Variants in NRCAM observed in about 807,000 individuals in gnomAD.
The protein encoded by NRCAM is NgCAM-related cell adhesion molecule.
NRCAM carries 83 observed loss-of-function variants against 156.5 expected under a neutral mutation model. The ratio of observed to expected loss-of-function variants is 0.53; its 90% CI spans 0.44 to 0.64. The LOEUF (loss-of-function observed/expected upper bound fraction) is 0.64. Among genes scored for constraint, NRCAM ranks in the 30% least tolerant of loss-of-function variants. NRCAM has a pLI of 0.00. For missense variants in NRCAM, 1,417 were observed against 1,597.3 expected (o/e 0.89, Z 1.92); for synonymous variants, 538 against 563.9 (o/e 0.95, Z 0.65).
intron 1 of NRCAM, among the ~76,000 whole-genome samples, chr7:108,448,870 G>A (rs1847341695): frequency 6.6e-6 from 1 of 152,156 alleles, no homozygotes; most frequent in Non-Finnish European, 1.5e-5. Context: ...GATGTATCTT[G>A]TTGCACATCA....
intron 4 of NRCAM, 108 bp from the exon 5 acceptor site, chr7:108,237,877 TATTTG>T: frequency 2.6e-6 from 2 of 769,698 alleles, no homozygotes; most frequent in Non-Finnish European, 3.9e-6. Context: ...GCATCTTGTC[TATTTG>T]ATTTGATCTA....
chr7:108,431,979 C>T (rs553514196), intron 1 of NRCAM, among the ~76,000 whole-genome samples: 1 of 152,280 alleles, frequency 6.6e-6, no homozygotes, highest in East Asian at 1.9e-4. Context: ...CCCAACCTGT[C>T]AAAGTTTTAA....
At chr7:108,336,247 C>A (rs537027298) in intron 2 of NRCAM, among the ~76,000 whole-genome samples, 2 of 152,150 alleles carry the variant, frequency 1.3e-5, no homozygotes. Flanking sequence ...TGCCCCTTCC[C>A]GGCTGTCTAA....
intron 6 of NRCAM, among the ~76,000 whole-genome samples, chr7:108,233,592 T>C (rs1374548123): frequency 6.6e-6 from 1 of 152,198 alleles, no homozygotes. Flanking sequence ...CATCAGGCCT[T>C]CTGCGAGAGA....
intron 3 of NRCAM, among the ~76,000 whole-genome samples, chr7:108,280,982 A>C (rs919521379): frequency 1.3e-5 from 2 of 152,222 alleles, no homozygotes; most frequent in African/African-American, 4.8e-5. Context: ...AAGTCCCAAC[A>C]GTTTTTAGAT....
chr7:108,331,848 C>T (rs774945003), intron 2 of NRCAM, among the ~76,000 whole-genome samples: 1 of 152,110 alleles, frequency 6.6e-6, no homozygotes, highest in African/African-American at 2.4e-5. Flanking sequence ...TTTTTTTCTG[C>T]AATGTCTTTA....
At chr7:108,453,188 G>A (rs1445941500) in intron 1 of NRCAM, among the ~76,000 whole-genome samples, 2 of 152,136 alleles carry the variant, frequency 1.3e-5, no homozygotes, top group Non-Finnish European at 2.9e-5. Context: ...TCTTTTTAAC[G>A]GAAAAGCTTC....
intron 32 of NRCAM, chr7:108,150,659 T>C: frequency 3.9e-6 from 2 of 509,844 alleles, no homozygotes; most frequent in Middle Eastern, 3.2e-4. Flanking sequence ...ATAATTTTGT[T>C]ATCAATGCAG....
At chr7:108,215,621 G>T (rs2087887352) in intron 11 of NRCAM, among the ~76,000 whole-genome samples, 1 of 151,886 alleles carries the variant, frequency 6.6e-6, no homozygotes, top group Admixed American at 6.6e-5. Context: ...TTTTGGGATA[G>T]TTAGCTCTTC....
At chr7:108,292,664 AT>A (rs1353783335) in intron 3 of NRCAM, among the ~76,000 whole-genome samples, 1 of 152,194 alleles carries the variant, frequency 6.6e-6, no homozygotes, top group Non-Finnish European at 1.5e-5. Flanking sequence ...AACTGACCTT[AT>A]GCAAGTTACT....
chr7:108,362,887 G>A (rs1294056657), intron 2 of NRCAM, among the ~76,000 whole-genome samples: 3 of 152,036 alleles, frequency 2.0e-5, no homozygotes, highest in African/African-American at 4.8e-5. Flanking sequence ...CCAAATCTTG[G>A]TTTCTAACAC....
chr7:108,234,682 T>C lies in NRCAM; in HGVS notation c.131A>G (p.Gln44Arg), dbSNP rs377423914. The C allele has an allele frequency of 3.8e-6, 6 of 1,597,368 alleles. No individual in the cohort carries two copies. Among genetic ancestry groups the C allele is most frequent in the Non-Finnish European group, 4.3e-6 (5 of 1,166,226 alleles). Residue 44 changes from glutamine (Q) to arginine (R), a missense_variant, in exon 6 of 33, where the codon CAG becomes CGG. Around this residue, in one of 2 missense-constraint regions of NRCAM, gnomAD observed 1,238 missense variants for 1,336.4 expected, o/e 0.93. Coordinates refer to ENST00000379028, the MANE Select transcript of NRCAM (RefSeq NM_001037132.4). ...LDPKLLEDLV[Q>R]PPTITQQSPK... is the part of the protein sequence containing the mutation. Reference sequence around the variant, plus strand: ...AGACTGTTGGGTGATGGTTGGAGGCTGTACCACTTAATTGTAGAAAAAAAA... The same window carrying C: ...AGACTGTTGGGTGATGGTTGGAGGCCGTACCACTTAATTGTAGAAAAAAAA...
At chr7:108,171,469 A>G (rs2058396433) in intron 28 of NRCAM, among the ~76,000 whole-genome samples, 1 of 152,142 alleles carries the variant, frequency 6.6e-6, no homozygotes, top group Non-Finnish European at 1.5e-5. Context: ...TATAACCCAG[A>G]CATCCGGTAT....
chr7:108,360,813 C>T (rs1003625102), intron 2 of NRCAM, among the ~76,000 whole-genome samples: 7 of 152,106 alleles, frequency 4.6e-5, no homozygotes, highest in African/African-American at 1.7e-4. Flanking sequence ...GAAGTTAGAA[C>T]CCTACCTCAA....
At chr7:108,308,617 A>G (rs1043514675) in intron 3 of NRCAM, among the ~76,000 whole-genome samples, 1 of 152,230 alleles carries the variant, frequency 6.6e-6, no homozygotes, top group Non-Finnish European at 1.5e-5. Flanking sequence ...CCACAAAAAC[A>G]TAATGCCACT....
intron 3 of NRCAM, among the ~76,000 whole-genome samples, chr7:108,309,089 T>C (rs1275867512): frequency 6.6e-6 from 1 of 152,190 alleles, no homozygotes; most frequent in Non-Finnish European, 1.5e-5. Context: ...TGCATTGTCA[T>C]TCAGCTTCCA....
intron 20 of NRCAM, among the ~76,000 whole-genome samples, chr7:108,185,964 T>C (rs886786100): frequency 6.6e-6 from 1 of 152,198 alleles, no homozygotes; most frequent in African/African-American, 2.4e-5. Flanking sequence ...AACATTGGTG[T>C]GGCCAGAGGA....
In NRCAM at chr7:108,331,862, GTT is replaced by G. The variant is rs545533854; in HGVS notation, c.-173-19133_-173-19132del. On this transcript the variant is annotated intron_variant, in intron 2 of 32. Transcript: ENST00000379028. The stretch of plus-strand genomic sequence containing the variant: ...GTTTTTTTCTGCAATGTCTTTATAA[GTT>G]CTCCTAGCACAGAAATGATGGATGC... Among the ~76,000 whole-genome samples the G allele has an allele frequency of 2.2e-4, 34 of 152,240 alleles. No individual in the cohort carries two copies. In the East Asian group the frequency reaches 6.4e-3, roughly 29 times the overall value.
intron 1 of NRCAM, among the ~76,000 whole-genome samples, chr7:108,440,183 G>A (rs774231979): frequency 1.3e-5 from 2 of 152,116 alleles, no homozygotes; most frequent in Non-Finnish European, 1.5e-5. Flanking sequence ...CCACTGATAC[G>A]TGTTACAACA....
Sources: allele counts gnomAD v4.1 joint callset (sites outside exome capture counted in the v4.1 genomes callset), GRCh38; gene constraint gnomAD v4.1.1; regional missense constraint gnomAD v4.1.1; transcripts MANE v1.5; gene names NCBI Gene and HGNC (gene_info 2026-07-23, HGNC 2026-07-21).